The following KLHL8 variants were observed in gnomAD, a reference collection of about 807,000 sequenced individuals.
The protein encoded by KLHL8 is kelch-like protein 8.
In KLHL8, 38 loss-of-function variants were observed where a neutral mutation model predicts 63.5. The observed-to-expected ratio is 0.60, with a 90% CI of 0.46 to 0.78. The LOEUF (loss-of-function observed/expected upper bound fraction) is 0.78. Ranked by LOEUF, KLHL8 falls within the 30% of genes least tolerant of loss-of-function variation. KLHL8 has a pLI of 0.00. For synonymous variants in KLHL8, 224 were observed against 254.3 expected (o/e 0.88, Z 1.13); for missense variants, 566 against 752.4 (o/e 0.75, Z 2.90).
chr4:87,217,571 C>G (rs1732647999), intron 1 of KLHL8, among the ~76,000 whole-genome samples: 1 of 151,536 alleles, frequency 6.6e-6, no homozygotes, highest in Non-Finnish European at 1.5e-5. Flanking sequence ...GTCTGGAACT[C>G]CTGGGATCAA....
In KLHL8 at chr4:87,163,569, G is replaced by C. The variant is rs372810557; in HGVS notation, c.1813C>G (p.Gln605Glu). ...GVAVCSCLTS[Q>E]IRDVGHGSNN... ...GATCCATGACCTACATCTCGAATTTGGCTAGTTAAACAGGAACACACAGCT... is the reference window on the plus strand; with the variant it reads ...GATCCATGACCTACATCTCGAATTTCGCTAGTTAAACAGGAACACACAGCT... The change falls in exon 10 of 10, where the codon CAA becomes GAA. Residue 605 changes from glutamine (Q) to glutamate (E), a missense_variant. Coordinates refer to ENST00000273963, the MANE Select transcript of KLHL8 (RefSeq NM_020803.5). The C allele has an allele frequency of 1.2e-6, 2 of 1,614,040 alleles. No individual in the cohort carries two copies. Among genetic ancestry groups the C allele is most frequent in the Non-Finnish European group, 1.7e-6 (2 of 1,179,972 alleles).
intron 8 of KLHL8, among the ~76,000 whole-genome samples, chr4:87,166,474 G>C (rs1730403661): frequency 6.6e-6 from 1 of 152,098 alleles, no homozygotes; most frequent in Non-Finnish European, 1.5e-5. Context: ...ATCATGTACT[G>C]GGGAACTACA....
rs1730124472 is a variant in KLHL8 at position 87,160,688 on chromosome 4, A to G, written c.*2831T>C. The G allele has an allele frequency of 6.6e-6, 1 of 152,234 alleles. No homozygotes were observed. Among genetic ancestry groups the G allele is most frequent in the Non-Finnish European group, 1.5e-5 (1 of 68,030 alleles). The allele number at this position is 152,234 out of a possible 1,614,324, so 9.4% of individuals were successfully genotyped here. A position where few individuals can be genotyped will look rare whatever the true frequency, so the allele number is the denominator to read the frequency against. ...AACTTGTTTTTAAAGTGGCAACGCA[A>G]TATAGTAAAGCAATGGCTTTAATGA... On this transcript the variant is annotated 3_prime_UTR_variant, in exon 10 of 10. Coordinates refer to ENST00000273963, the MANE Select transcript of KLHL8 (RefSeq NM_020803.5).
rs1731665773 is a variant in KLHL8, at chr4:87,195,607, A to G, written c.-68T>C. 1.5e-6 allele frequency: 2 copies of G among 1,315,194 alleles called. No homozygotes were observed. Among genetic ancestry groups the G allele is most frequent in the Admixed American group, 3.6e-5 (2 of 55,056 alleles). 81.5% of individuals were successfully genotyped at this position (1,315,194 alleles called of 1,614,324 possible). ...CCATTTATTTTTTTTCAAAGGGTAG[A>G]GAGAAGGCAGAAGGTAGATGTAGAC... is the stretch of plus-strand genomic sequence containing the variant. On this transcript the variant is annotated 5_prime_UTR_variant, in exon 2 of 10. Coordinates refer to ENST00000273963, the MANE Select transcript of KLHL8 (RefSeq NM_020803.5).
At chr4:87,193,245 C>T (rs1423334917) in intron 2 of KLHL8, among the ~76,000 whole-genome samples, 1 of 152,122 alleles carries the variant, frequency 6.6e-6, no homozygotes, top group Non-Finnish European at 1.5e-5. Flanking sequence ...CTTTTTTCTA[C>T]TTAAAATTTT....
chr4:87,175,027 T>C (rs1730771426), intron 6 of KLHL8, among the ~76,000 whole-genome samples: 1 of 152,242 alleles, frequency 6.6e-6, no homozygotes, highest in South Asian at 2.1e-4. Flanking sequence ...GTTGTATTAC[T>C]AACCTGCTAG....
At chr4:87,181,928 T>TA (rs903440765) in intron 4 of KLHL8, among the ~76,000 whole-genome samples, 8 of 151,626 alleles carry the variant, frequency 5.3e-5, no homozygotes, top group South Asian at 2.1e-4. Context: ...GCTATACAAC[T>TA]AAAAAAAATC....
At chr4:87,175,911 G>GT (rs1160457367) in intron 6 of KLHL8, among the ~76,000 whole-genome samples, 1 of 152,074 alleles carries the variant, frequency 6.6e-6, no homozygotes, top group Non-Finnish European at 1.5e-5. Flanking sequence ...CCTAAAGTCA[G>GT]TATCTTATTT....
At chr4:87,209,183 A>ATT (rs35072071) in intron 1 of KLHL8, among the ~76,000 whole-genome samples, 1 of 151,882 alleles carries the variant, frequency 6.6e-6, no homozygotes, top group Non-Finnish European at 1.5e-5. Flanking sequence ...AACAATCAGA[A>ATT]TTTTTTTAAA....
chr4:87,202,308 C>G (rs142349733), intron 1 of KLHL8, among the ~76,000 whole-genome samples: 1 of 152,040 alleles, frequency 6.6e-6, no homozygotes, highest in Non-Finnish European at 1.5e-5. Context: ...TTAGTAGAGA[C>G]GGGGTTTCAG....
At chr4:87,216,876 T>A (rs1481015160) in intron 1 of KLHL8, among the ~76,000 whole-genome samples, 1 of 152,252 alleles carries the variant, frequency 6.6e-6, no homozygotes, top group Non-Finnish European at 1.5e-5. Flanking sequence ...GCTTAGAGAA[T>A]GTTTTCACAT....
chr4:87,231,699 C>T (rs960908517), intron 1 of KLHL8, among the ~76,000 whole-genome samples: 6 of 152,044 alleles, frequency 3.9e-5, no homozygotes, highest in Admixed American at 2.0e-4. Context: ...CAGGTTCAAG[C>T]GATTCTCCTG....
chr4:87,183,351 A>C lies in KLHL8; in HGVS notation c.804T>G (p.Gly268=). 1 of 1,611,478 alleles carries C rather than the reference A, an allele frequency of 6.2e-7. No individual in the cohort carries two copies. The highest frequency in any genetic ancestry group is 8.5e-7 in the Non-Finnish European group (1 of 1,178,076). Residue 268 remains glycine (G), a synonymous_variant, in exon 4 of 10, where the codon GGT becomes GGG. Coordinates refer to ENST00000273963, the MANE Select transcript of KLHL8 (RefSeq NM_020803.5). ...TGACAATCTGTTCTTTTGCCACAAC[A>C]CCCATAAGAAAATCAACCGGCAACA... ...LPLLPVDFLM[G]VVAKEQIVKQ... is the part of the protein sequence containing the mutation.
Position 87,167,620 on chromosome 4 carries a change from A to C in KLHL8, c.1537+2459T>G, listed in dbSNP as rs750265056. On this transcript the variant is annotated intron_variant, in intron 8 of 9. Coordinates refer to ENST00000273963, the MANE Select transcript of KLHL8 (RefSeq NM_020803.5). ...CACAGGAAGCAGCACCATGTGCTGC[A>C]GATGGCTCATTCCTTCCCGTGTACA... 1.1e-4 allele frequency: 54 copies of C among 481,606 alleles called. 1 individual carries two copies. Among genetic ancestry groups the C allele is most frequent in the South Asian group, 6.1e-4 (39 of 63,810 alleles). The allele number at this position is 481,606 out of a possible 1,614,324, so 29.8% of individuals were successfully genotyped here. A position where few individuals can be genotyped will look rare whatever the true frequency, so the allele number is the denominator to read the frequency against.
chr4:87,183,326 T>G lies in KLHL8; in HGVS notation c.829A>C (p.Lys277Gln). 4.3e-6 allele frequency: 7 copies of G among 1,613,422 alleles called. No homozygotes were observed. Among genetic ancestry groups the G allele is most frequent in the Non-Finnish European group, 5.1e-6 (6 of 1,179,534 alleles). The change falls in exon 4 of 10, where the codon AAG becomes CAG. Residue 277 changes from lysine (K) to glutamine (Q), a missense_variant. Coordinates refer to ENST00000273963, the MANE Select transcript of KLHL8 (RefSeq NM_020803.5). Reference protein sequence around the residue: ...MGVVAKEQIVKQNLKCRDLLD... With the variant: ...MGVVAKEQIVQQNLKCRDLLD... ...AAATCTCTACATTTTAGATTTTGCTTGACAATCTGTTCTTTTGCCACAACA... is the reference window on the plus strand; with the variant it reads ...AAATCTCTACATTTTAGATTTTGCTGGACAATCTGTTCTTTTGCCACAACA...
At chr4:87,189,251 T>C (rs943060487) in intron 2 of KLHL8, among the ~76,000 whole-genome samples, 3 of 152,178 alleles carry the variant, frequency 2.0e-5, no homozygotes, top group Non-Finnish European at 4.4e-5. Context: ...TTGCAGTCTG[T>C]TTACACAACC....
At chr4:87,237,299 G>C (rs565305492) in intron 1 of KLHL8, among the ~76,000 whole-genome samples, 18 of 152,152 alleles carry the variant, frequency 1.2e-4, no homozygotes, top group Non-Finnish European at 2.2e-4. Flanking sequence ...GATAATCAGA[G>C]AAGTCTTCAA....
At chr4:87,205,636 G>T (rs1233830719) in intron 1 of KLHL8, among the ~76,000 whole-genome samples, 1 of 151,920 alleles carries the variant, frequency 6.6e-6, no homozygotes, top group Non-Finnish European at 1.5e-5. Flanking sequence ...GCTAATTTTT[G>T]TATTTTTTGT....
intron 4 of KLHL8, among the ~76,000 whole-genome samples, chr4:87,181,052 TA>T (rs1401301302): frequency 1.4e-5 from 2 of 147,138 alleles, no homozygotes; most frequent in Admixed American, 6.8e-5. Flanking sequence ...ATTTTTTTAA[TA>T]AAAAAAAAAG....
Sources: allele counts gnomAD v4.1 joint callset (sites outside exome capture counted in the v4.1 genomes callset), GRCh38; gene constraint gnomAD v4.1.1; transcripts MANE v1.5; gene names NCBI Gene and HGNC (gene_info 2026-07-23, HGNC 2026-07-21).